Variants in STON1 observed in about 807,000 individuals in gnomAD.
STON1 encodes stonin 1.
STON1 carries 79 observed loss-of-function variants against 60.9 expected under a neutral mutation model. That is an observed-to-expected ratio of 1.30 (90% confidence interval 1.08 to 1.56). The LOEUF is 1.56. Ranked by LOEUF, STON1 falls within the 40% of genes most tolerant of loss-of-function variation. STON1 has a pLI of 0.00. For synonymous variants in STON1, 363 were observed against 306.9 expected (o/e 1.18, Z -1.91); for missense variants, 1,166 against 858.9 (o/e 1.36, Z -4.47).
Position 48,581,730 on chromosome 2 carries a change from T to C in STON1, c.1097T>C (p.Val366Ala). ...EKRKYHSKTE[V>A]VHEPDIEQML... ...AGGAAATACCATTCTAAGACAGAAG[T>C]AGTTCATGAACCTGACATAGAGCAG... Residue 366 changes from valine (V) to alanine (A), a missense_variant, in exon 2 of 4, where the codon GTA becomes GCA. Coordinates refer to ENST00000404752, the MANE Select transcript of STON1 (RefSeq NM_006873.4). The C allele has an allele frequency of 1.2e-6, 2 of 1,611,596 alleles. No individual in the cohort carries two copies. Among genetic ancestry groups the C allele is most frequent in the South Asian group, 1.1e-5 (1 of 90,274 alleles).
chr2:48,555,290 C>CCTCA (rs1672279893), intron 1 of STON1, among the ~76,000 whole-genome samples: 3 of 94,420 alleles, frequency 3.2e-5, no homozygotes, highest in Admixed American at 1.0e-4. Context: ...CCCTCACCTC[C>CCTCA]CGGACGGGGC....
chr2:48,568,540 C>G lies in STON1; in HGVS notation c.-47-12047C>G, dbSNP rs56337031. On this transcript the variant is annotated intron_variant, in intron 1 of 3. Coordinates refer to ENST00000404752, the MANE Select transcript of STON1 (RefSeq NM_006873.4). ...GGGATGAACTTTGCAGGGAGTTACA[C>G]AAAATTTGGAAAATTACAGAGAATA... Among the ~76,000 whole-genome samples the G allele has an allele frequency of 5.5e-3, 833 of 152,058 alleles. 4 individuals carry two copies. The highest frequency in any genetic ancestry group is 6.7e-3 in the Non-Finnish European group (454 of 67,996).
In STON1 at chr2:48,562,622, G is replaced by T. The variant is rs563472382; in HGVS notation, c.-47-17965G>T. 3.3e-5 allele frequency among the ~76,000 whole-genome samples: 5 copies of T among 152,340 alleles called. No homozygotes were observed. In the East Asian group the frequency reaches 5.8e-4, roughly 18 times the overall value. ...GCTAAGTAGAAGAAATGCCATGAGA[G>T]GCCAGGTGACTTTGGCATGAAAGCT... On this transcript the variant is annotated intron_variant, in intron 1 of 3. Coordinates refer to ENST00000404752, the MANE Select transcript of STON1 (RefSeq NM_006873.4).
At chr2:48,537,449 AT>A in intron 1 of STON1, among the ~76,000 whole-genome samples, 1 of 152,356 alleles carries the variant, frequency 6.6e-6, no homozygotes, top group East Asian at 1.9e-4. Flanking sequence ...ATGTACATAA[AT>A]ATACATATAC....
At position 48,591,686 on chromosome 2, in the gene STON1, T is replaced by G. The variant is rs1025321051; in HGVS notation, c.1964T>G (p.Leu655Ter). 4 of 1,614,164 alleles carry G rather than the reference T, an allele frequency of 2.5e-6. No individual in the cohort carries two copies. Among genetic ancestry groups the G allele is most frequent in the Non-Finnish European group, 3.4e-6 (4 of 1,180,036 alleles). ...CATCCCCATTGTCTGTCATACAAAT[T>G]AGAGCTTGGATCAGACCAAGAAATT... is the stretch of plus-strand genomic sequence containing the variant. ...LDHPHCLSYKLELGSDQEIPS... is the reference protein window; with the variant it reads ...LDHPHCLSYK Residue 655 changes from leucine to a stop codon, truncating the protein, a stop_gained, in exon 3 of 4, where the codon TTA becomes TGA. Coordinates refer to ENST00000404752, the MANE Select transcript of STON1 (RefSeq NM_006873.4). LOFTEE classifies it high-confidence loss of function.
chr2:48,551,018 T>TTTA (rs139288229), intron 1 of STON1, among the ~76,000 whole-genome samples: 21,657 of 151,432 alleles, frequency 0.14, 1,776 homozygotes, highest in East Asian at 0.2. Flanking sequence ...GGTTTCTGTA[T>TTTA]TTATTATTAT....
chr2:48,584,521 G>A (rs2103929631), intron 2 of STON1, among the ~76,000 whole-genome samples: 1 of 152,188 alleles, frequency 6.6e-6, no homozygotes, highest in East Asian at 1.9e-4. Flanking sequence ...ACCCGCCTTG[G>A]CCTCCCAAAG....
intron 1 of STON1, among the ~76,000 whole-genome samples, chr2:48,539,002 C>G (rs376678258): frequency 2.9e-4 from 44 of 152,126 alleles, no homozygotes; most frequent in African/African-American, 1.0e-3. Flanking sequence ...ACTGCAGCCT[C>G]AAACTCCTGG....
intron 1 of STON1, among the ~76,000 whole-genome samples, chr2:48,564,644 C>CCTTCTTCTTCTTCTTTCTTTTTT (rs1672847716): frequency 8.5e-6 from 1 of 117,020 alleles, no homozygotes; most frequent in African/African-American, 3.6e-5. Flanking sequence ...TTCTCCTTCT[C>CCTTCTTCTTCTTCTTTCTTTTTT]CTTCTTCTTC....
intron 1 of STON1, among the ~76,000 whole-genome samples, chr2:48,537,156 C>G (rs115883507): frequency 3.3e-5 from 5 of 152,308 alleles, no homozygotes; most frequent in African/African-American, 9.6e-5. Flanking sequence ...TTCAATAGAA[C>G]TGTGATGACA....
chr2:48,586,161 G>C (rs1039849238), intron 2 of STON1, among the ~76,000 whole-genome samples: 2 of 152,214 alleles, frequency 1.3e-5, no homozygotes, highest in African/African-American at 2.4e-5. Context: ...GTGCAGACAC[G>C]TATGAAGCTT....
At chr2:48,564,976 A>G (rs1440282196) in intron 1 of STON1, among the ~76,000 whole-genome samples, 1 of 138,882 alleles carries the variant, frequency 7.2e-6, no homozygotes, top group East Asian at 2.1e-4. Context: ...CAGGTGATCC[A>G]CCTGCCTCAG....
chr2:48,578,878 A>G (rs1422279042), intron 1 of STON1, among the ~76,000 whole-genome samples: 2 of 151,908 alleles, frequency 1.3e-5, no homozygotes, highest in Non-Finnish European at 2.9e-5. Flanking sequence ...GGCGTGAGCC[A>G]CTGTGCCTGG....
intron 1 of STON1, among the ~76,000 whole-genome samples, chr2:48,538,457 A>T (rs962061856): frequency 2.0e-5 from 3 of 152,180 alleles, no homozygotes; most frequent in Admixed American, 6.5e-5. Flanking sequence ...AATTTAGTTT[A>T]GATGATCCAT....
At position 48,564,405 on chromosome 2, in the gene STON1, GTCTTCTTCTTCTTCTTCT is replaced by G. The variant is rs1241898892; in HGVS notation, c.-47-16123_-47-16106del. On this transcript the variant is annotated intron_variant, in intron 1 of 3. Coordinates refer to ENST00000404752, the MANE Select transcript of STON1 (RefSeq NM_006873.4). The stretch of plus-strand genomic sequence containing the variant: ...TAGGTCCTCCAGTGGCAGTGGCGGT[GTCTTCTTCTTCTTCTTCT>G]TCTTCTTCTTCTTCTTCTTCTTCTT... Among the ~76,000 whole-genome samples, 140 of 83,010 alleles carry G rather than the reference GTCTTCTTCTTCTTCTTCT, an allele frequency of 1.7e-3. 1 individual carries two copies. The highest frequency in any genetic ancestry group is 5.7e-3 in the East Asian group (13 of 2,280). The allele number at this position is 83,010 out of a possible 152,430, so 54.5% of individuals were successfully genotyped here.
chr2:48,561,508 C>G (rs1415574273), intron 1 of STON1, among the ~76,000 whole-genome samples: 1 of 152,180 alleles, frequency 6.6e-6, no homozygotes, highest in East Asian at 1.9e-4. Context: ...GATTCATTAT[C>G]TACGAAGCAG....
chr2:48,579,271 C>G (rs1389534626), intron 1 of STON1, among the ~76,000 whole-genome samples: 2 of 151,374 alleles, frequency 1.3e-5, no homozygotes, highest in African/African-American at 4.9e-5. Flanking sequence ...TCCCAAAGTG[C>G]TGGGATTATA....
rs530524271 is a variant in STON1, at chr2:48,572,251, C to A, written c.-47-8336C>A. On this transcript the variant is annotated intron_variant, in intron 1 of 3. Transcript: ENST00000404752. Reference sequence around the variant, plus strand: ...GGGCAGTGGGAAGCAGGCCTCCCCTCGACAATGGGGAATCAGAGCTGCTGA... The same window carrying A: ...GGGCAGTGGGAAGCAGGCCTCCCCTAGACAATGGGGAATCAGAGCTGCTGA... 1.1e-4 allele frequency among the ~76,000 whole-genome samples: 16 copies of A among 152,242 alleles called. No homozygotes were observed. The South Asian group carries it at 2.3e-3, about 22-fold the overall frequency.
chr2:48,554,844 T>C (rs1672254342), intron 1 of STON1, among the ~76,000 whole-genome samples: 2 of 78,132 alleles, frequency 2.6e-5, no homozygotes. Context: ...AACAAAGGTC[T>C]CTGGTTTTCC....
Sources: gnomAD v4.1 joint callset for allele counts (sites outside exome capture counted in the v4.1 genomes callset) on GRCh38, gnomAD v4.1.1 for gene constraint, MANE v1.5 for transcripts, NCBI Gene and HGNC (gene_info 2026-07-23, HGNC 2026-07-21) for gene names.